Variants in CSTF3 observed in about 807,000 individuals in gnomAD.
CSTF3 encodes the protein cleavage stimulation factor subunit 3.
In CSTF3, 29 loss-of-function variants were observed where a neutral mutation model predicts 105.8. That is an observed-to-expected ratio of 0.27 (90% CI 0.20 to 0.37). The LOEUF (loss-of-function observed/expected upper bound fraction) is 0.37, where lower values mean the gene tolerates loss of function less well. CSTF3 is among the 10% of genes least tolerant of loss of function. The probability of loss-of-function intolerance (pLI) is 1.00; values close to 1 mark genes in which losing one functional copy is unlikely to be tolerated. For synonymous variants in CSTF3, 252 were observed against 281.9 expected, an observed-to-expected ratio of 0.89 and a Z score of 1.06; for missense variants, 357 against 879.3, an observed-to-expected ratio of 0.41 and a Z score of 7.51.
chr11:33,090,755 T>G (rs1460317049), intron 16 of CSTF3, 28 bp from the exon 17 acceptor site: 2 of 1,472,886 alleles, frequency 1.4e-6, no homozygotes, highest in Admixed American at 2.3e-5. Flanking sequence ...CAATCAATAC[T>G]TTAATTATTC....
intron 3 of CSTF3, chr11:33,136,066 G>C (rs866373741): frequency 6.6e-6 from 1 of 152,410 alleles, no homozygotes; most frequent in South Asian, 2.1e-4. Context: ...CTTGCAAATA[G>C]AAAATTTTTC....
In CSTF3 at chr11:33,096,828, T is replaced by C. The variant is rs768083105; in HGVS notation, c.1272+7A>G. 1.1e-5 allele frequency: 17 copies of C among 1,604,510 alleles called. No individual in the cohort carries two copies. The highest frequency in any genetic ancestry group is 4.0e-5 in the African/African-American group (3 of 74,274). On this transcript the variant is annotated splice_region_variant and intron_variant, in intron 14 of 20. Transcript: ENST00000323959. ...TTTTATCTTTACACTTGTATTTCAG[T>C]ATTTACCTTACTACAGTAATATTCC...
Position 33,092,316 on chromosome 11 carries a change from A to G in CSTF3, c.1400T>C (p.Phe467Ser), listed in dbSNP as rs748406781. The G allele has an allele frequency of 6.2e-7, 1 of 1,602,494 alleles. No homozygotes were observed. Among genetic ancestry groups the G allele is most frequent in the Non-Finnish European group, 8.5e-7 (1 of 1,176,160 alleles). The change falls in exon 16 of 21, where the codon TTT becomes TCT. Residue 467 changes from phenylalanine to serine, a missense_variant. Phe to Ser is a radical substitution (Grantham distance 155, BLOSUM62 -2). Coordinates refer to ENST00000323959, the MANE Select transcript of CSTF3 (RefSeq NM_001326.3). Reference protein sequence around the residue: ...LNEDNNTRVLFERVLTSGSLP... With the variant: ...LNEDNNTRVLSERVLTSGSLP... ...GCTTCCAGATGTTAAAACTCGTTCA[A>G]ACAAAACTCGGGTATTATTGTCCTC...
chr11:33,098,512 G>T lies in CSTF3; in HGVS notation c.1128+178C>A, dbSNP rs560338822. 3.3e-5 allele frequency among the ~76,000 whole-genome samples: 5 copies of T among 152,286 alleles called. No homozygotes were observed. The South Asian group carries it at 1.0e-3, about 32-fold the overall frequency. ...AAGGGGTCACATGGGGGAATTTTTG[G>T]AGGATGGTGGAGGTGTTTTCTATCT... is the stretch of plus-strand genomic sequence containing the variant. On this transcript the variant is annotated intron_variant, in intron 13 of 20. Transcript: ENST00000323959.
At chr11:33,131,639 G>A (rs1329627490) in intron 3 of CSTF3, among the ~76,000 whole-genome samples, 2 of 151,984 alleles carry the variant, frequency 1.3e-5, no homozygotes, top group South Asian at 2.1e-4. Flanking sequence ...GAGGTCAGGA[G>A]ATCGAGACCA....
rs747539023 is a variant in CSTF3, at chr11:33,085,134, G to T, written c.2107C>A (p.Pro703Thr). 1 of 1,614,120 alleles carries T rather than the reference G, an allele frequency of 6.2e-7. No homozygotes were observed. Among genetic ancestry groups the T allele is most frequent in the Admixed American group, 1.7e-5 (1 of 60,004 alleles). ...CGTGCTCTGTAAATGTCATGAACAG[G>T]GGGGACAACGGCTCCCTTTTCTTCA... Reference protein sequence around the residue: ...EDEEKGAVVPPVHDIYRARQQ... With the variant: ...EDEEKGAVVPTVHDIYRARQQ... The change falls in exon 21 of 21, where the codon CCT becomes ACT. Residue 703 changes from proline to threonine, a missense_variant. Around this residue, in one of 4 missense-constraint regions of CSTF3, gnomAD observed 73 missense variants for 105.8 expected, o/e 0.69. Coordinates refer to ENST00000323959, the MANE Select transcript of CSTF3 (RefSeq NM_001326.3).
At chr11:33,151,296 T>C (rs893230912) in intron 1 of CSTF3, among the ~76,000 whole-genome samples, 17 of 152,054 alleles carry the variant, frequency 1.1e-4, no homozygotes, top group African/African-American at 3.9e-4. Context: ...GCTCAATCAA[T>C]CCTCCCACCT....
chr11:33,142,732 GT>G (rs961744411), intron 1 of CSTF3, among the ~76,000 whole-genome samples: 9 of 151,072 alleles, frequency 6.0e-5, no homozygotes, highest in South Asian at 2.1e-4. Flanking sequence ...CTTTTTACAT[GT>G]TTTTTCTTTA....
intron 3 of CSTF3, among the ~76,000 whole-genome samples, chr11:33,121,936 C>G (rs182228380): frequency 2.6e-5 from 4 of 152,246 alleles, no homozygotes; most frequent in Non-Finnish European, 5.9e-5. Context: ...ACAACAACAA[C>G]AAGTTTCCTA....
intron 5 of CSTF3, 91 bp from the exon 6 acceptor site, chr11:33,106,155 A>C (rs1263722741): frequency 1.1e-6 from 1 of 944,478 alleles, no homozygotes; most frequent in African/African-American, 1.7e-5. Context: ...CATGCCTGTA[A>C]TCCCACTGCT....
At chr11:33,130,816 C>A (rs1855590862) in intron 3 of CSTF3, among the ~76,000 whole-genome samples, 1 of 151,744 alleles carries the variant, frequency 6.6e-6, no homozygotes, top group Non-Finnish European at 1.5e-5. Flanking sequence ...CAAAAAAATA[C>A]AAAATTTTGT....
At chr11:33,121,036 C>T (rs895234658) in intron 3 of CSTF3, among the ~76,000 whole-genome samples, 44 of 152,046 alleles carry the variant, frequency 2.9e-4, no homozygotes, top group African/African-American at 9.4e-4. Flanking sequence ...TCGATCTTTC[C>T]GTGAGCACAC....
chr11:33,157,590 A>G (rs1288877231), intron 1 of CSTF3, among the ~76,000 whole-genome samples: 1 of 152,206 alleles, frequency 6.6e-6, no homozygotes, highest in African/African-American at 2.4e-5. Context: ...GAGTTGAAAA[A>G]AAAATCACAG....
At chr11:33,102,408 A>G in intron 9 of CSTF3, 69 bp from the exon 10 acceptor site, 1 of 1,480,872 alleles carries the variant, frequency 6.8e-7, no homozygotes, top group Non-Finnish European at 9.3e-7. Context: ...GATGGGGTAG[A>G]TCAGTTTGGA....
chr11:33,085,177 G>A lies in CSTF3; in HGVS notation c.2064C>T (p.Asn688=), dbSNP rs762812227. 1.8e-5 allele frequency: 29 copies of A among 1,613,996 alleles called. No individual in the cohort carries two copies. Among genetic ancestry groups the A allele is most frequent in the African/African-American group, 5.3e-5 (4 of 74,910 alleles). The part of the protein sequence containing the change: ...AVLTKAVKRP[N]EDSDEDEEKG... ...TTTCTTCATCTTCATCTGAATCCTC[G>A]TTGGGCCTTTTGACGGCCTTGGTGA... is the stretch of plus-strand genomic sequence containing the variant. Residue 688 remains asparagine, a synonymous_variant, in exon 21 of 21, where the codon AAC becomes AAT. Coordinates refer to ENST00000323959, the MANE Select transcript of CSTF3 (RefSeq NM_001326.3).
intron 4 of CSTF3, 136 bp downstream of exon 4, chr11:33,108,250 G>T: frequency 2.2e-6 from 2 of 909,050 alleles, no homozygotes; most frequent in Non-Finnish European, 1.5e-6. Flanking sequence ...ATATAAAAAA[G>T]CTGAATAAGT....
intron 1 of CSTF3, 53 bp downstream of exon 1, chr11:33,161,246 G>T: frequency 6.2e-7 from 1 of 1,605,196 alleles, no homozygotes; most frequent in Non-Finnish European, 8.5e-7. Flanking sequence ...GCAGTCGGAG[G>T]AACAGACGTG....
At chr11:33,116,971 TAA>T (rs1855437143) in intron 3 of CSTF3, among the ~76,000 whole-genome samples, 1 of 151,966 alleles carries the variant, frequency 6.6e-6, no homozygotes, top group Non-Finnish European at 1.5e-5. Flanking sequence ...AGAGTTGCTG[TAA>T]AGTTTACTTT....
At chr11:33,102,435 C>A in intron 9 of CSTF3, 96 bp from the exon 10 acceptor site, 1 of 1,059,666 alleles carries the variant, frequency 9.4e-7, no homozygotes, top group Non-Finnish European at 1.4e-6. Flanking sequence ...TTCAAGATGC[C>A]TACTTTTTCC....
Sources: allele counts gnomAD v4.1 joint callset (sites outside exome capture counted in the v4.1 genomes callset), GRCh38; gene constraint gnomAD v4.1.1; regional missense constraint gnomAD v4.1.1; transcripts MANE v1.5; gene names NCBI Gene and HGNC (gene_info 2026-07-23, HGNC 2026-07-21).